The following GRK4 variants were observed in gnomAD, a reference collection of about 807,000 sequenced individuals.
GRK4 encodes the protein G protein-coupled receptor kinase 4, also known as G protein-coupled receptor kinase 2-like.
Under a neutral mutation model 77.9 loss-of-function variants are expected in GRK4, and 73 were observed. The observed-to-expected ratio is 0.94, with a 90% CI of 0.78 to 1.14. The LOEUF (loss-of-function observed/expected upper bound fraction) is 1.14. Among genes scored for constraint, GRK4 ranks in the 50% most tolerant of loss-of-function variants. GRK4 has a pLI of 0.00. For missense variants in GRK4, 729 were observed against 700.2 expected, an observed-to-expected ratio of 1.04 and a Z score of -0.46; for synonymous variants, 257 against 254.4, an observed-to-expected ratio of 1.01 and a Z score of -0.10.
intron 1 of GRK4, chr4:2,966,645 G>A (rs955760044): frequency 6.6e-6 from 1 of 152,166 alleles, no homozygotes; most frequent in African/African-American, 2.4e-5. Context: ...CCAAGTTGAT[G>A]ACTGTGTTTG....
intron 11 of GRK4, among the ~76,000 whole-genome samples, chr4:3,028,672 A>G (rs1342444505): frequency 6.6e-6 from 1 of 152,230 alleles, no homozygotes; most frequent in Non-Finnish European, 1.5e-5. Flanking sequence ...TTATTGGGAT[A>G]TAATTCATAT....
At chr4:3,013,226 A>G (rs1457040384) in intron 7 of GRK4, among the ~76,000 whole-genome samples, 1 of 150,660 alleles carries the variant, frequency 6.6e-6, no homozygotes, top group African/African-American at 2.4e-5. Context: ...TTGTTTTTTT[A>G]TTTTTCGTAG....
chr4:3,039,799 A>C (rs926783435), intron 15 of GRK4, among the ~76,000 whole-genome samples: 14 of 151,772 alleles, frequency 9.2e-5, no homozygotes, highest in Non-Finnish European at 1.9e-4. Context: ...ACTAAGGGTT[A>C]GGTGTGAACT....
chr4:2,963,985 G>T lies in GRK4; in HGVS notation c.-86G>T, dbSNP rs1267336524. 2 of 1,236,678 alleles carry T rather than the reference G, an allele frequency of 1.6e-6. No individual in the cohort carries two copies. Among genetic ancestry groups the T allele is most frequent in the South Asian group, 1.3e-5 (1 of 79,056 alleles). The allele number at this position is 1,236,678 out of a possible 1,614,324, so 76.6% of individuals were successfully genotyped here. A position where few individuals can be genotyped will look rare whatever the true frequency, so the allele number is the denominator to read the frequency against. The stretch of plus-strand genomic sequence containing the variant: ...GAGAGGGTGGTGCCCGGCGAGCTAT[G>T]CACGGGGGCGGCGGCGTCTCCTCCT... On this transcript the variant is annotated 5_prime_UTR_variant, in exon 1 of 16. An upstream start codon of the reference 5' UTR is lost. Transcript: ENST00000398052.
intron 10 of GRK4, among the ~76,000 whole-genome samples, chr4:3,026,987 G>A (rs749530235): frequency 2.6e-5 from 4 of 152,244 alleles, no homozygotes; most frequent in Non-Finnish European, 5.9e-5. Context: ...TGAAGATAGT[G>A]TCCGCTTCCA....
chr4:2,991,239 G>A (rs1348822641), intron 3 of GRK4, among the ~76,000 whole-genome samples: 1 of 152,192 alleles, frequency 6.6e-6, no homozygotes, highest in Non-Finnish European at 1.5e-5. Flanking sequence ...CTTCCTCCAG[G>A]AAGACTCATC....
intron 14 of GRK4, among the ~76,000 whole-genome samples, 156 bp from the exon 15 acceptor site, chr4:3,038,220 C>T (rs1741380751): frequency 6.6e-6 from 1 of 152,202 alleles, no homozygotes; most frequent in South Asian, 2.1e-4. Flanking sequence ...GGTCAGGAAG[C>T]AGGGAAGGAG....
intron 5 of GRK4, 69 bp downstream of exon 5, chr4:3,004,403 G>A (rs1730705799): frequency 4.0e-6 from 4 of 1,001,136 alleles, no homozygotes; most frequent in Non-Finnish European, 6.2e-6. Flanking sequence ...GCTTTCAGGA[G>A]GTTTCTCTGC....
At chr4:3,015,273 A>G (rs909705001) in intron 8 of GRK4, among the ~76,000 whole-genome samples, 2 of 152,188 alleles carry the variant, frequency 1.3e-5, no homozygotes, top group Admixed American at 6.5e-5. Context: ...TTATAAAATG[A>G]TTTGTAGTGT....
rs111927076 is a variant in GRK4, at chr4:2,978,166, T to C, written c.53-6347T>C. Among the ~76,000 whole-genome samples the C allele has an allele frequency of 5.5e-3, 837 of 152,304 alleles. 4 individuals are homozygous for C. Among genetic ancestry groups the C allele is most frequent in the African/African-American group, 0.019 (790 of 41,552 alleles). On this transcript the variant is annotated intron_variant, in intron 1 of 15. Coordinates refer to ENST00000398052, the MANE Select transcript of GRK4 (RefSeq NM_182982.3). ...TATTAATCTATCCTAAAGATCCATA[T>C]TGAGTGGGAAGAAAAAGGGAAAACA...
chr4:2,982,901 G>GTTGTTACA (rs1372309707), intron 1 of GRK4, among the ~76,000 whole-genome samples: 1 of 152,180 alleles, frequency 6.6e-6, no homozygotes, highest in Non-Finnish European at 1.5e-5. Context: ...TTGGCAGGTG[G>GTTGTTACA]TTGTTACATG....
intron 8 of GRK4, 79 bp downstream of exon 8, chr4:3,013,907 C>T (rs922976580): frequency 3.0e-5 from 43 of 1,422,640 alleles, no homozygotes; most frequent in African/African-American, 1.0e-4. Context: ...GCTCAGCTCA[C>T]GCTCACTGAA....
chr4:3,025,791 C>A (rs1737360623), intron 10 of GRK4, among the ~76,000 whole-genome samples: 1 of 152,208 alleles, frequency 6.6e-6, no homozygotes, highest in Non-Finnish European at 1.5e-5. Context: ...TAGATTCCAT[C>A]CCTGACCATC....
chr4:3,020,263 C>G (rs1178676684), intron 9 of GRK4, among the ~76,000 whole-genome samples: 4 of 152,162 alleles, frequency 2.6e-5, no homozygotes, highest in Non-Finnish European at 5.9e-5. Context: ...GCCTCAGCCT[C>G]CAAAAGTGCT....
intron 2 of GRK4, among the ~76,000 whole-genome samples, chr4:2,986,442 C>A (rs1398424330): frequency 6.7e-6 from 1 of 148,716 alleles, no homozygotes; most frequent in South Asian, 2.1e-4. Flanking sequence ...CTGCAAGCTC[C>A]GCCTCCCAGA....
chr4:3,034,377 T>C (rs1418573159), intron 12 of GRK4, among the ~76,000 whole-genome samples: 1 of 152,200 alleles, frequency 6.6e-6, no homozygotes, highest in East Asian at 1.9e-4. Context: ...GTCTAGACTT[T>C]GCAGGTCTAT....
intron 4 of GRK4, among the ~76,000 whole-genome samples, chr4:3,000,245 C>G (rs1271697152): frequency 2.0e-5 from 3 of 152,200 alleles, no homozygotes; most frequent in Non-Finnish European, 4.4e-5. Flanking sequence ...ACCTCCCTCT[C>G]TCTCATGGAT....
chr4:2,973,815 C>T (rs965121421), intron 1 of GRK4, among the ~76,000 whole-genome samples: 8 of 152,188 alleles, frequency 5.3e-5, no homozygotes, highest in Non-Finnish European at 7.3e-5. Flanking sequence ...GTCGGCCCCT[C>T]CTCTGAACTC....
chr4:3,029,490 A>T, intron 12 of GRK4, 81 bp downstream of exon 12: 3 of 1,276,558 alleles, frequency 2.4e-6, no homozygotes, highest in Non-Finnish European at 3.3e-6. Flanking sequence ...TAACAAAAAA[A>T]ATTGGTCTGT....
Sources: allele counts gnomAD v4.1 joint callset (sites outside exome capture counted in the v4.1 genomes callset), GRCh38; gene constraint gnomAD v4.1.1; transcripts MANE v1.5; gene names NCBI Gene and HGNC (gene_info 2026-07-23, HGNC 2026-07-21).